TTC27: variants seen among roughly 807,000 people sequenced by gnomAD.
TTC27 encodes the protein tetratricopeptide repeat protein 27.
In TTC27, 79 loss-of-function variants were observed where a neutral mutation model predicts 115.9. The observed-to-expected ratio is 0.68, with a 90% confidence interval of 0.57 to 0.82. The LOEUF (loss-of-function observed/expected upper bound fraction) is 0.82, where lower values mean the gene tolerates loss of function less well. Ranked by LOEUF, TTC27 falls within the 40% of genes least tolerant of loss-of-function variation. TTC27 has a pLI of 0.00. For synonymous variants in TTC27, 401 were observed against 356.0 expected, an observed-to-expected ratio of 1.13 and a Z score of -1.42; for missense variants, 1,054 against 993.1, an observed-to-expected ratio of 1.06 and a Z score of -0.82.
intron 16 of TTC27, among the ~76,000 whole-genome samples, chr2:32,809,170 C>T (rs1174807409): frequency 1.3e-5 from 2 of 152,242 alleles, no homozygotes; most frequent in Non-Finnish European, 2.9e-5. Context: ...GGAGCCCCTA[C>T]TCCTCAGCCA....
At chr2:32,722,801 T>G (rs1461028707) in intron 10 of TTC27, among the ~76,000 whole-genome samples, 1 of 152,096 alleles carries the variant, frequency 6.6e-6, no homozygotes, top group Admixed American at 6.5e-5. Context: ...CAATTCAGGT[T>G]GAAGGGGAGG....
chr2:32,738,162 G>A (rs375512175), intron 12 of TTC27, among the ~76,000 whole-genome samples: 3 of 152,232 alleles, frequency 2.0e-5, no homozygotes, highest in Admixed American at 2.0e-4. Context: ...CTTTACTTGC[G>A]AGGTAGTATG....
At chr2:32,817,375 C>T in intron 18 of TTC27, 82 bp from the exon 19 acceptor site, 1 of 1,136,822 alleles carries the variant, frequency 8.8e-7, no homozygotes, top group Non-Finnish European at 1.3e-6. Context: ...TATAAAAATT[C>T]TAATTAAATA....
chr2:32,660,586 G>A (rs1221295353), intron 5 of TTC27, among the ~76,000 whole-genome samples: 1 of 151,818 alleles, frequency 6.6e-6, no homozygotes, highest in African/African-American at 2.4e-5. Flanking sequence ...ATCATGGGGG[G>A]TGGGGGACTA....
rs1340342366 is a variant in TTC27 at position 32,678,913 on chromosome 2, A to T, written c.1110A>T (p.Ala370=). 10 of 1,612,992 alleles carry T rather than the reference A, an allele frequency of 6.2e-6. No homozygotes were observed. The African/African-American group carries it at 8.0e-5, about 13-fold the overall frequency. Residue 370 remains alanine, a synonymous_variant, in exon 9 of 20, where the codon GCA becomes GCT. Coordinates refer to ENST00000317907, the MANE Select transcript of TTC27 (RefSeq NM_017735.5). ...CATTAACTGAAGTGGAGCTTCTGGC[A>T]TTTACATCAGTGAGTAATGTCTTTT... ...VHTLTEVELL[A]FTSCLLSQPK...
intron 4 of TTC27, among the ~76,000 whole-genome samples, chr2:32,642,204 G>GGTC (rs1664677874): frequency 6.7e-6 from 1 of 150,268 alleles, no homozygotes; most frequent in South Asian, 2.1e-4. Flanking sequence ...GGTCTGTGCT[G>GGTC]TGTAAGGGCT....
At chr2:32,649,333 C>T (rs1664992641) in intron 4 of TTC27, among the ~76,000 whole-genome samples, 1 of 152,056 alleles carries the variant, frequency 6.6e-6, no homozygotes. Context: ...GATTTCTTAC[C>T]TTGTTGGGTA....
chr2:32,679,804 C>T (rs1572508605), intron 9 of TTC27, among the ~76,000 whole-genome samples: 1 of 152,026 alleles, frequency 6.6e-6, no homozygotes, highest in African/African-American at 2.4e-5. Context: ...CCAGCCTGGC[C>T]GACATGATGA....
chr2:32,768,369 C>A (rs575229182), intron 13 of TTC27, among the ~76,000 whole-genome samples: 1 of 152,128 alleles, frequency 6.6e-6, no homozygotes, highest in South Asian at 2.1e-4. Context: ...TTATTTAAAC[C>A]GTGTAATTTA....
At chr2:32,630,027 A>T (rs560369061) in intron 1 of TTC27, among the ~76,000 whole-genome samples, 1 of 152,310 alleles carries the variant, frequency 6.6e-6, no homozygotes, top group African/African-American at 2.4e-5. Context: ...AAGACTAACA[A>T]GTGGAGAAGA....
chr2:32,657,353 CTT>C (rs988569906), intron 5 of TTC27, among the ~76,000 whole-genome samples: 168 of 128,280 alleles, frequency 1.3e-3, no homozygotes, highest in African/African-American at 4.3e-3. Flanking sequence ...CACTGTCTTT[CTT>C]TTTTTTTTTT....
intron 10 of TTC27, among the ~76,000 whole-genome samples, chr2:32,716,955 A>G (rs577661814): frequency 8.0e-5 from 12 of 150,938 alleles, no homozygotes; most frequent in Non-Finnish European, 4.4e-5. Flanking sequence ...TAACCTCCCA[A>G]AGTTTTGGGA....
chr2:32,639,972 C>G (rs1200013445), intron 3 of TTC27, among the ~76,000 whole-genome samples: 1 of 152,096 alleles, frequency 6.6e-6, no homozygotes, highest in Non-Finnish European at 1.5e-5. Context: ...GCACTCCAGC[C>G]TGGGCAACAG....
intron 5 of TTC27, among the ~76,000 whole-genome samples, chr2:32,656,014 C>T (rs1351276435): frequency 1.3e-5 from 2 of 152,228 alleles, no homozygotes; most frequent in Non-Finnish European, 2.9e-5. Flanking sequence ...GTAGACTGCT[C>T]AACAACATCA....
At chr2:32,650,890 G>A (rs1049300298) in intron 5 of TTC27, among the ~76,000 whole-genome samples, 3 of 152,228 alleles carry the variant, frequency 2.0e-5, no homozygotes, top group Admixed American at 6.5e-5. Flanking sequence ...TGCTGCCTTT[G>A]TTGCAGATAT....
intron 4 of TTC27, among the ~76,000 whole-genome samples, chr2:32,644,509 C>T (rs1286039899): frequency 2.0e-5 from 3 of 152,092 alleles, no homozygotes; most frequent in African/African-American, 7.2e-5. Context: ...CTGTAAACAA[C>T]TTTTGACTTC....
chr2:32,642,748 A>C (rs1664700881), intron 4 of TTC27, among the ~76,000 whole-genome samples: 1 of 151,198 alleles, frequency 6.6e-6, no homozygotes, highest in Non-Finnish European at 1.5e-5. Flanking sequence ...GCTCACTGCA[A>C]CCTCCACCTC....
chr2:32,756,479 G>A (rs1368757505), intron 12 of TTC27, among the ~76,000 whole-genome samples: 1 of 152,158 alleles, frequency 6.6e-6, no homozygotes, highest in Admixed American at 6.5e-5. Context: ...CTTAGAAACT[G>A]TTTTATAAAT....
rs142287858 is a variant in TTC27 at position 32,650,412 on chromosome 2, T to G, written c.640+179T>G. On this transcript the variant is annotated intron_variant, in intron 5 of 19. Transcript: ENST00000317907. ...CACAAGTTGTTATGTTGTCAGATTA[T>G]AGAGTTCCTTTTAGTCTTTTTAGTT... Among the ~76,000 whole-genome samples the G allele has an allele frequency of 7.1e-3, 1,062 of 150,354 alleles. 5 individuals carry two copies. The highest frequency in any genetic ancestry group is 0.012 in the Non-Finnish European group (844 of 67,544).
Sources: gnomAD v4.1 joint callset for allele counts (sites outside exome capture counted in the v4.1 genomes callset) on GRCh38, gnomAD v4.1.1 for gene constraint, MANE v1.5 for transcripts, NCBI Gene and HGNC (gene_info 2026-07-23, HGNC 2026-07-21) for gene names.